Variants in GRM1 observed in about 807,000 individuals in gnomAD.
The protein encoded by GRM1 is metabotropic glutamate receptor 1.
GRM1 carries 33 observed loss-of-function variants against 90.9 expected under a neutral mutation model. The observed-to-expected ratio is 0.36, with a 90% CI of 0.28 to 0.49. The LOEUF (loss-of-function observed/expected upper bound fraction) is 0.49, where lower values mean the gene tolerates loss of function less well. GRM1 is among the 20% of genes least tolerant of loss of function. The probability of loss-of-function intolerance (pLI) is 0.99; values close to 1 mark genes in which losing one functional copy is unlikely to be tolerated. For synonymous variants in GRM1, 700 were observed against 613.2 expected, an observed-to-expected ratio of 1.14 and a Z score of -2.09; for missense variants, 1,190 against 1,534.3, an observed-to-expected ratio of 0.78 and a Z score of 3.75.
Position 146,434,539 on chromosome 6 carries a change from G to C in GRM1, c.3328G>C (p.Val1110Leu), listed in dbSNP as rs373321710. Residue 1110 changes from valine to leucine, a missense_variant, in exon 8 of 8, where the codon GTG becomes CTG. Transcript: ENST00000282753. ...SERFKLLQEY[V>L]YEHEREGNTE... ...GAGGTTTAAGCTCCTCCAGGAGTAC[G>C]TGTATGAGCACGAGCGGGAAGGGAA... The C allele has an allele frequency of 3.1e-6, 5 of 1,614,012 alleles. No individual in the cohort carries two copies. Among genetic ancestry groups the C allele is most frequent in the Non-Finnish European group, 4.2e-6 (5 of 1,180,018 alleles).
chr6:146,046,936 G>A (rs1791354251), intron 1 of GRM1, among the ~76,000 whole-genome samples: 1 of 151,896 alleles, frequency 6.6e-6, no homozygotes, highest in Non-Finnish European at 1.5e-5. Context: ...GAAATAAGAG[G>A]CATTAAAACT....
chr6:146,169,215 C>T (rs1054409645), intron 2 of GRM1, among the ~76,000 whole-genome samples: 1 of 152,104 alleles, frequency 6.6e-6, no homozygotes, highest in African/African-American at 2.4e-5. Flanking sequence ...CCGTTAATCC[C>T]ATCATGTAAT....
chr6:146,302,423 G>C (rs1423526167), intron 2 of GRM1, among the ~76,000 whole-genome samples: 3 of 150,894 alleles, frequency 2.0e-5, no homozygotes. Flanking sequence ...CTAGGCTGGA[G>C]TGCAGTGGCA....
intron 1 of GRM1, among the ~76,000 whole-genome samples, chr6:146,143,992 A>T (rs569965984): frequency 1.1e-4 from 17 of 152,352 alleles, no homozygotes; most frequent in African/African-American, 4.1e-4. Flanking sequence ...GGGAAATTTC[A>T]TATTGTATTA....
intron 2 of GRM1, among the ~76,000 whole-genome samples, chr6:146,275,477 T>C (rs938987734): frequency 6.6e-6 from 1 of 152,002 alleles, no homozygotes; most frequent in African/African-American, 2.4e-5. Flanking sequence ...TTTGCTCTAG[T>C]TTCCCCCCAC....
At chr6:146,041,707 C>G (rs1044543694) in intron 1 of GRM1, among the ~76,000 whole-genome samples, 1 of 151,926 alleles carries the variant, frequency 6.6e-6, no homozygotes, top group African/African-American at 2.4e-5. Context: ...TCTGTGGCTT[C>G]AAGGATCTTC....
chr6:146,028,269 G>GTGTGTGTGTA (rs1554258665), upstream of GRM1, among the ~76,000 whole-genome samples: 29 of 147,300 alleles, frequency 2.0e-4, no homozygotes, highest in African/African-American at 4.3e-4. Context: ...GTGTGTGTGT[G>GTGTGTGTGTA]TGTGTGTGTA....
chr6:146,039,561 G>T (rs1157052492), intron 1 of GRM1, among the ~76,000 whole-genome samples: 1 of 151,990 alleles, frequency 6.6e-6, no homozygotes. Flanking sequence ...TTATATTTTG[G>T]AAAGGGCATC....
At chr6:146,320,244 C>A (rs973827346) in intron 3 of GRM1, among the ~76,000 whole-genome samples, 1 of 152,124 alleles carries the variant, frequency 6.6e-6, no homozygotes, top group Non-Finnish European at 1.5e-5. Flanking sequence ...GCCATTGGTT[C>A]TGTTTCTGTG....
chr6:146,267,751 G>T (rs1435498743), intron 2 of GRM1, among the ~76,000 whole-genome samples: 4 of 146,964 alleles, frequency 2.7e-5, no homozygotes, highest in Non-Finnish European at 6.0e-5. Flanking sequence ...GTCTCGTCTC[G>T]TCTCGTCTCT....
rs758402854 is a variant in GRM1, at chr6:146,220,083, A to C, written c.950+60486A>C. ...TAGAATTACATGTGTGCGTGTGTCC[A>C]TATTTGAGTGTCTTTAATGTATCCA... On this transcript the variant is annotated intron_variant, in intron 2 of 7. Transcript: ENST00000282753. 1.1e-4 allele frequency among the ~76,000 whole-genome samples: 16 copies of C among 152,148 alleles called. 1 individual carries two copies. The highest frequency in any genetic ancestry group is 2.9e-5 in the Non-Finnish European group (2 of 68,014).
At chr6:146,081,105 A>G (rs1776350753) in intron 1 of GRM1, among the ~76,000 whole-genome samples, 1 of 152,186 alleles carries the variant, frequency 6.6e-6, no homozygotes, top group Non-Finnish European at 1.5e-5. Context: ...GCATCATTTA[A>G]AAGCTGTGGA....
At chr6:146,168,030 G>A (rs959827084) in intron 2 of GRM1, among the ~76,000 whole-genome samples, 3 of 151,682 alleles carry the variant, frequency 2.0e-5, no homozygotes, top group South Asian at 2.1e-4. Flanking sequence ...ACTCATTTGG[G>A]CCTAATTTTT....
intron 2 of GRM1, among the ~76,000 whole-genome samples, chr6:146,259,849 A>G (rs551677931): frequency 2.0e-5 from 3 of 151,506 alleles, no homozygotes; most frequent in Non-Finnish European, 4.4e-5. Flanking sequence ...TGGTAGATCT[A>G]TTTTCTTTAA....
chr6:146,212,658 A>T (rs545291738), intron 2 of GRM1, among the ~76,000 whole-genome samples: 19 of 152,290 alleles, frequency 1.2e-4, no homozygotes, highest in African/African-American at 4.1e-4. Flanking sequence ...TAGGATTTTT[A>T]AAAATGTATA....
At chr6:146,278,907 G>C (rs1327846077) in intron 2 of GRM1, among the ~76,000 whole-genome samples, 1 of 152,078 alleles carries the variant, frequency 6.6e-6, no homozygotes, top group Non-Finnish European at 1.5e-5. Flanking sequence ...GGGTTTCACC[G>C]TGTTAGTCAG....
chr6:146,256,650 T>G (rs947368819), intron 2 of GRM1, among the ~76,000 whole-genome samples: 2 of 152,148 alleles, frequency 1.3e-5, no homozygotes, highest in African/African-American at 4.8e-5. Flanking sequence ...TCTATTTCAG[T>G]TGATGAAGAA....
chr6:146,348,220 C>A (rs528706828), intron 3 of GRM1, among the ~76,000 whole-genome samples: 22 of 152,234 alleles, frequency 1.4e-4, no homozygotes, highest in African/African-American at 4.6e-4. Context: ...CACCAGGTGA[C>A]AATGTTATTA....
In GRM1 at chr6:146,180,646, C is replaced by CT. The variant is rs967655295; in HGVS notation, c.950+21058dup. On this transcript the variant is annotated intron_variant, in intron 2 of 7. Coordinates refer to ENST00000282753, the MANE Select transcript of GRM1 (RefSeq NM_001278064.2). ...GCAACCTTGATCATTTTTCTTTTTT[C>CT]TTTTTTTTTCTAAATCCAAAGGGAT... Among the ~76,000 whole-genome samples the CT allele has an allele frequency of 1.1e-4, 16 of 150,786 alleles. 1 individual carries two copies. Among genetic ancestry groups the CT allele is most frequent in the African/African-American group, 2.7e-4 (11 of 41,066 alleles).
Sources: gnomAD v4.1 joint callset for allele counts (sites outside exome capture counted in the v4.1 genomes callset) on GRCh38, gnomAD v4.1.1 for gene constraint, MANE v1.5 for transcripts, NCBI Gene and HGNC (gene_info 2026-07-23, HGNC 2026-07-21) for gene names.